The following PTPRG variants were observed in gnomAD, a reference collection of about 807,000 sequenced individuals.
The protein encoded by PTPRG is receptor-type tyrosine-protein phosphatase gamma.
In PTPRG, 102 loss-of-function variants were observed where a neutral mutation model predicts 165.3. The ratio of observed to expected loss-of-function variants is 0.62; its 90% CI spans 0.53 to 0.73. The LOEUF is 0.73. Among genes scored for constraint, PTPRG ranks in the 30% least tolerant of loss-of-function variants. The pLI is 0.00. For synonymous variants in PTPRG, 675 were observed against 669.5 expected (o/e 1.01, Z -0.13); for missense variants, 1,866 against 1,861.4 (o/e 1.00, Z -0.05).
chr3:62,230,711 G>T (rs1045463367), intron 13 of PTPRG, among the ~76,000 whole-genome samples: 6 of 152,160 alleles, frequency 3.9e-5, no homozygotes, highest in African/African-American at 1.4e-4. Flanking sequence ...TCTGTATTGT[G>T]AATTAAGAAA....
At chr3:61,814,250 C>T (rs905411302) in intron 2 of PTPRG, among the ~76,000 whole-genome samples, 2 of 152,136 alleles carry the variant, frequency 1.3e-5, no homozygotes, top group African/African-American at 4.8e-5. Flanking sequence ...AGCTAAGGCG[C>T]CTTTCTAAAC....
intron 2 of PTPRG, among the ~76,000 whole-genome samples, chr3:61,867,482 C>A (rs1341469091): frequency 6.6e-6 from 1 of 152,092 alleles, no homozygotes; most frequent in Non-Finnish European, 1.5e-5. Context: ...ATAATAATAA[C>A]TTTATTGATT....
chr3:62,147,654 T>C (rs954220356), intron 6 of PTPRG, among the ~76,000 whole-genome samples: 1 of 152,206 alleles, frequency 6.6e-6, no homozygotes, highest in South Asian at 2.1e-4. Context: ...GACTTGTTTG[T>C]TATTTAAAAT....
intron 2 of PTPRG, among the ~76,000 whole-genome samples, chr3:61,754,041 C>T (rs558649258): frequency 6.6e-6 from 1 of 152,242 alleles, no homozygotes; most frequent in African/African-American, 2.4e-5. Context: ...ATCTCTATCT[C>T]ATTTTCCCCT....
intron 7 of PTPRG, among the ~76,000 whole-genome samples, chr3:62,162,967 G>C (rs1411402976): frequency 1.3e-5 from 2 of 152,184 alleles, no homozygotes; most frequent in Non-Finnish European, 2.9e-5. Flanking sequence ...GGCTCTGCAG[G>C]AGGCATGATT....
At chr3:62,091,466 T>C (rs1337510309) in intron 5 of PTPRG, among the ~76,000 whole-genome samples, 5 of 152,300 alleles carry the variant, frequency 3.3e-5, no homozygotes, top group Non-Finnish European at 4.4e-5. Context: ...AAGTAACACA[T>C]TGATATGGAC....
At chr3:61,595,181 GTTTGT>G (rs1700669566) in intron 1 of PTPRG, among the ~76,000 whole-genome samples, 2 of 146,524 alleles carry the variant, frequency 1.4e-5, no homozygotes, top group Non-Finnish European at 1.5e-5. Context: ...AACAAGATGT[GTTTGT>G]TTTTTTTTTT....
At chr3:62,004,113 C>T (rs557808577) in intron 4 of PTPRG, among the ~76,000 whole-genome samples, 6 of 152,204 alleles carry the variant, frequency 3.9e-5, no homozygotes, top group South Asian at 2.1e-4. Flanking sequence ...AGGGTGAGGG[C>T]GGGAGCATGT....
intron 5 of PTPRG, among the ~76,000 whole-genome samples, chr3:62,107,686 C>T (rs754155125): frequency 6.6e-6 from 1 of 152,170 alleles, no homozygotes; most frequent in East Asian, 1.9e-4. Context: ...ATATTCTCTT[C>T]TCAAACTGGA....
chr3:62,095,260 T>A (rs1017135081), intron 5 of PTPRG, among the ~76,000 whole-genome samples: 3 of 152,196 alleles, frequency 2.0e-5, no homozygotes, highest in Non-Finnish European at 4.4e-5. Flanking sequence ...TTACAGAGAA[T>A]GTCAAAGCTG....
At chr3:61,808,079 T>C (rs576506938) in intron 2 of PTPRG, among the ~76,000 whole-genome samples, 5 of 152,304 alleles carry the variant, frequency 3.3e-5, no homozygotes, top group African/African-American at 9.6e-5. Flanking sequence ...GGAGCTGATA[T>C]TGTTATACAA....
intron 2 of PTPRG, among the ~76,000 whole-genome samples, chr3:61,931,681 A>C (rs1333102770): frequency 1.3e-5 from 2 of 152,196 alleles, no homozygotes; most frequent in African/African-American, 4.8e-5. Context: ...AACTGAGTCT[A>C]TGTTGTTTAC....
Position 62,080,061 on chromosome 3 carries a change from C to CTTTTTTTTTTTTTTTTTTTTTTTTT in PTPRG, c.615+1803_615+1804insTTTTTTTTTTTTTTTTTTTTTTTTT, listed in dbSNP as rs774262138. Among the ~76,000 whole-genome samples the CTTTTTTTTTTTTTTTTTTTTTTTTT allele has an allele frequency of 1.5e-4, 17 of 111,568 alleles. 8 individuals are homozygous for CTTTTTTTTTTTTTTTTTTTTTTTTT. The highest frequency in any genetic ancestry group is 1.3e-4 in the Non-Finnish European group (7 of 54,508). The allele number at this position is 111,568 out of a possible 152,430, so 73.2% of individuals were successfully genotyped here. On this transcript the variant is annotated intron_variant, in intron 5 of 29. Coordinates refer to ENST00000474889, the MANE Select transcript of PTPRG (RefSeq NM_002841.4). ...GAGTTCTGTCTGGACCCCTTCGGTT[C>CTTTTTTTTTTTTTTTTTTTTTTTTT]ATTTTTTTTTTTTTTTTTTTTGAGA...
At chr3:61,630,695 AG>A (rs889262767) in intron 1 of PTPRG, among the ~76,000 whole-genome samples, 2 of 152,168 alleles carry the variant, frequency 1.3e-5, no homozygotes, top group African/African-American at 2.4e-5. Context: ...CCACAAGGGT[AG>A]AAAGAAATAT....
intron 4 of PTPRG, among the ~76,000 whole-genome samples, chr3:62,015,949 T>C (rs2041534435): frequency 3.3e-5 from 5 of 152,170 alleles, no homozygotes; most frequent in Admixed American, 3.3e-4. Context: ...TTTTTAAAAG[T>C]CTTTTAAAGC....
chr3:62,052,315 C>T (rs1282949331), intron 4 of PTPRG, among the ~76,000 whole-genome samples: 5 of 151,984 alleles, frequency 3.3e-5, no homozygotes, highest in African/African-American at 4.8e-5. Flanking sequence ...TGTAGTTTAT[C>T]GGTAAATAAA....
chr3:61,792,875 C>T (rs544919629), intron 2 of PTPRG, among the ~76,000 whole-genome samples: 63 of 152,014 alleles, frequency 4.1e-4, no homozygotes, highest in African/African-American at 1.5e-3. Flanking sequence ...ACTACAGGCA[C>T]GTGCCACCAC....
At chr3:62,114,360 T>TAATACATAATGCA (rs1702784184) in intron 5 of PTPRG, among the ~76,000 whole-genome samples, 3 of 152,122 alleles carry the variant, frequency 2.0e-5, no homozygotes. Flanking sequence ...TATACTCAGT[T>TAATACATAATGCA]TTAATTTTGA....
At chr3:62,244,014 A>G (rs1478357976) in intron 15 of PTPRG, 116 bp downstream of exon 15, 1 of 621,522 alleles carries the variant, frequency 1.6e-6, no homozygotes, top group Middle Eastern at 2.6e-4. Flanking sequence ...GCCCAGTATA[A>G]GAAATTCTCT....
Sources: allele counts gnomAD v4.1 joint callset (sites outside exome capture counted in the v4.1 genomes callset), GRCh38; gene constraint gnomAD v4.1.1; transcripts MANE v1.5; gene names NCBI Gene and HGNC (gene_info 2026-07-23, HGNC 2026-07-21).